Variants in PLXNB2 observed in about 807,000 individuals in gnomAD.
PLXNB2 encodes the protein plexin-B2.
Under a neutral mutation model 202.6 loss-of-function variants are expected in PLXNB2, and 85 were observed. That is an observed-to-expected ratio of 0.42 (90% CI 0.35 to 0.50). The LOEUF (loss-of-function observed/expected upper bound fraction) is 0.50. Ranked by LOEUF, PLXNB2 falls within the 20% of genes least tolerant of loss-of-function variation. PLXNB2 has a pLI of 0.02. For synonymous variants in PLXNB2, 1,239 were observed against 1,137.6 expected, an observed-to-expected ratio of 1.09 and a Z score of -1.79; for missense variants, 2,063 against 2,586.2, an observed-to-expected ratio of 0.80 and a Z score of 4.39.
intron 1 of PLXNB2, among the ~76,000 whole-genome samples, chr22:50,303,122 AC>A (rs996744817): frequency 1.4e-5 from 2 of 147,042 alleles, no homozygotes; most frequent in African/African-American, 2.5e-5. Flanking sequence ...CCCAGGAGAG[AC>A]CCCCCCACAC....
intron 35 of PLXNB2, among the ~76,000 whole-genome samples, chr22:50,276,255 G>T (rs977965714): frequency 7.0e-6 from 1 of 142,166 alleles, no homozygotes; most frequent in South Asian, 2.4e-4. Flanking sequence ...GGGAGGGGGC[G>T]CTGTGGGCAC....
chr22:50,287,400 C>G (rs1247083885), intron 7 of PLXNB2, 136 bp from the exon 8 acceptor site: 1 of 1,038,110 alleles, frequency 9.6e-7, no homozygotes, highest in Non-Finnish European at 1.4e-6. Context: ...TCTTCCAATA[C>G]AGGCCTCTCT....
At position 50,288,186 on chromosome 22, in the gene PLXNB2, T is replaced by A; in HGVS notation, c.1381-149A>T. 1 of 624,156 alleles carries A rather than the reference T, an allele frequency of 1.6e-6. No individual in the cohort carries two copies. The highest frequency in any genetic ancestry group is 2.8e-6 in the Non-Finnish European group (1 of 358,022). 38.7% of individuals were successfully genotyped at this position (624,156 alleles called of 1,614,324 possible). A position where few individuals can be genotyped will look rare whatever the true frequency, so the allele number is the denominator to read the frequency against. ...CCTCAGGCTTGATATTAAACAGTTCTGGCTCTGGGTGGCCATGCCTGGCCC... is the reference window on the plus strand; with the variant it reads ...CCTCAGGCTTGATATTAAACAGTTCAGGCTCTGGGTGGCCATGCCTGGCCC... On this transcript the variant is annotated intron_variant, in intron 5 of 36. Transcript: ENST00000359337. This position sits in a 1 kb window ranked among gnomAD's most constrained non-coding sequence, Gnocchi z 5.0.
chr22:50,283,564 C>T (rs771395513), intron 15 of PLXNB2, 38 bp downstream of exon 15: 6 of 1,586,236 alleles, frequency 3.8e-6, no homozygotes, highest in Non-Finnish European at 5.2e-6. Context: ...TGGGTACTGA[C>T]CCAGCTGACA....
intron 1 of PLXNB2, among the ~76,000 whole-genome samples, chr22:50,307,316 C>T (rs2067924070): frequency 6.7e-6 from 1 of 150,220 alleles, no homozygotes; most frequent in African/African-American, 2.4e-5. Flanking sequence ...GCGCAGCCCC[C>T]GCCGCCGGGC....
intron 18 of PLXNB2, 28 bp from the exon 19 acceptor site, chr22:50,282,341 C>G (rs370163149): frequency 1.3e-5 from 21 of 1,570,338 alleles, no homozygotes; most frequent in Non-Finnish European, 1.8e-5. Context: ...TTCGTGGGCT[C>G]GGCTGGCAGG....
chr22:50,277,300 CAA>C (rs34557850), intron 33 of PLXNB2, among the ~76,000 whole-genome samples: 1 of 142,754 alleles, frequency 7.0e-6, no homozygotes. Flanking sequence ...GACTCCATCT[CAA>C]AAAAAAAAAA....
chr22:50,296,762 T>C (rs952128314), intron 1 of PLXNB2, among the ~76,000 whole-genome samples: 6 of 152,130 alleles, frequency 3.9e-5, no homozygotes, highest in African/African-American at 1.4e-4. Context: ...GGCCAGGTTG[T>C]GTGCCAGCAA....
At chr22:50,303,130 A>C (rs1009723338) in intron 1 of PLXNB2, among the ~76,000 whole-genome samples, 65 of 141,526 alleles carry the variant, frequency 4.6e-4, no homozygotes, top group Admixed American at 3.5e-4. Context: ...AGACCCCCCC[A>C]CACTCCTGCT....
chr22:50,290,329 G>C lies in PLXNB2; in HGVS notation c.256C>G (p.Gln86Glu), dbSNP rs765819450. 6.2e-7 allele frequency: 1 copy of C among 1,612,388 alleles called. No individual in the cohort carries two copies. The highest frequency in any genetic ancestry group is 1.1e-5 in the South Asian group (1 of 91,088). ...KKCTPPIEAS[Q>E]CHEAEMTDNV... The stretch of plus-strand genomic sequence containing the variant: ...TCAGTCATCTCAGCCTCATGGCACT[G>C]GCTGGCCTCGATGGGCGGCGTGCAC... Residue 86 changes from glutamine to glutamate, a missense_variant, in exon 3 of 37, where the codon CAG becomes GAG. Transcript: ENST00000359337.
Position 50,283,097 on chromosome 22 carries a change from G to T in PLXNB2, c.2769C>A (p.Gly923=). 1 of 1,607,210 alleles carries T rather than the reference G, an allele frequency of 6.2e-7. No homozygotes were observed. Among genetic ancestry groups the T allele is most frequent in the Non-Finnish European group, 8.5e-7 (1 of 1,177,592 alleles). ...LTIHGTHLDT[G]SQEDVRVTLN... Reference sequence around the variant, plus strand: ...GGGTCACCCGCACGTCCTCCTGGGAGCCCGTGTCCAGGTGGGTGCCGTGGA... The same window carrying T: ...GGGTCACCCGCACGTCCTCCTGGGATCCCGTGTCCAGGTGGGTGCCGTGGA... The change falls in exon 17 of 37, where the codon GGC becomes GGA. Residue 923 remains glycine (G), a synonymous_variant. Transcript: ENST00000359337.
chr22:50,281,347 G>T lies in PLXNB2; in HGVS notation c.3662+13C>A. On this transcript the variant is annotated intron_variant, in intron 22 of 36. Transcript: ENST00000359337. ...GGGCTCAGGGTGTTGGCACAGCCGG[G>T]GGGCGGGCTCACCAGTAGCAGTAGA... 6.2e-7 allele frequency: 1 copy of T among 1,611,270 alleles called. No individual in the cohort carries two copies. Among genetic ancestry groups the T allele is most frequent in the Middle Eastern group, 1.6e-4 (1 of 6,062 alleles).
chr22:50,287,527 T>A, intron 7 of PLXNB2, 140 bp downstream of exon 7: 1 of 957,696 alleles, frequency 1.0e-6, no homozygotes, highest in Non-Finnish European at 1.5e-6. Flanking sequence ...GCGGGCTCCA[T>A]CCCTAAGGCT....
intron 31 of PLXNB2, 40 bp downstream of exon 31, chr22:50,278,077 G>T (rs746087731): frequency 6.2e-7 from 1 of 1,602,798 alleles, no homozygotes. Context: ...GGGTCTCAGC[G>T]TGGCGGCCTG....
In PLXNB2 at chr22:50,275,335, C is replaced by G. The variant is rs758817555; in HGVS notation, c.*369G>C. The stretch of plus-strand genomic sequence containing the variant: ...GGGGGCCACAGGCCCTCAGATCCCC[C>G]AGGGGCCCAACCTAGGGCATGGAGG... On this transcript the variant is annotated 3_prime_UTR_variant, in exon 37 of 37. Coordinates refer to ENST00000359337, the MANE Select transcript of PLXNB2 (RefSeq NM_012401.4). 2.4e-5 allele frequency: 11 copies of G among 457,954 alleles called. No individual in the cohort carries two copies. The highest frequency in any genetic ancestry group is 4.3e-6 in the Non-Finnish European group (1 of 230,090). 28.4% of individuals were successfully genotyped at this position (457,954 alleles called of 1,614,324 possible). A position where few individuals can be genotyped will look rare whatever the true frequency, so the allele number is the denominator to read the frequency against.
chr22:50,276,910 T>G lies in PLXNB2; in HGVS notation c.5197-4A>C. The G allele has an allele frequency of 6.3e-7, 1 of 1,594,986 alleles. No individual in the cohort carries two copies. Among genetic ancestry groups the G allele is most frequent in the Non-Finnish European group, 8.5e-7 (1 of 1,170,418 alleles). ...GCAGCTTGTTGCTGGGAGAATCCTG[T>G]TGGGGACAAAACCCAGTGATGCCTG... On this transcript the variant is annotated splice_polypyrimidine_tract_variant and splice_region_variant and intron_variant, in intron 33 of 36. Coordinates refer to ENST00000359337, the MANE Select transcript of PLXNB2 (RefSeq NM_012401.4).
At chr22:50,282,107 C>T in intron 19 of PLXNB2, 26 bp from the exon 20 acceptor site, 1 of 1,605,906 alleles carries the variant, frequency 6.2e-7, no homozygotes, top group Non-Finnish European at 8.5e-7. Flanking sequence ...AGCTGTCAGC[C>T]CCCGGGCGCA....
At chr22:50,298,030 C>G (rs2067399450) in intron 1 of PLXNB2, among the ~76,000 whole-genome samples, 1 of 152,172 alleles carries the variant, frequency 6.6e-6, no homozygotes, top group Admixed American at 6.5e-5. Context: ...ACTGGCCTTG[C>G]TCTGTGGTCT....
rs2067388048 is a variant in PLXNB2 at position 50,297,878 on chromosome 22, G to A, written c.-73-3100C>T. ...TCAGAGGGCTGCCTTGAGGTTGAGT[G>A]GGTGTGGAAATCTTTACAGCTGTGC... On this transcript the variant is annotated intron_variant, in intron 1 of 36. Transcript: ENST00000359337. This position sits in a 1 kb window ranked among gnomAD's most constrained non-coding sequence, Gnocchi z 5.3. 6.6e-6 allele frequency among the ~76,000 whole-genome samples: 1 copy of A among 152,154 alleles called. No homozygotes were observed. Among genetic ancestry groups the A allele is most frequent in the Non-Finnish European group, 1.5e-5 (1 of 68,024 alleles).
Sources: gnomAD v4.1 joint callset for allele counts (sites outside exome capture counted in the v4.1 genomes callset) on GRCh38, gnomAD v4.1.1 for gene constraint, Gnocchi (gnomAD v3.1) non-coding constraint, MANE v1.5 for transcripts, NCBI Gene and HGNC (gene_info 2026-07-23, HGNC 2026-07-21) for gene names.